Variants in TRAPPC8 observed in about 807,000 individuals in gnomAD.
TRAPPC8 encodes the protein general sporulation gene 1 homolog.
TRAPPC8 carries 54 observed loss-of-function variants against 174.3 expected under a neutral mutation model. The observed-to-expected ratio is 0.31, with a 90% CI of 0.25 to 0.39. The LOEUF is 0.39. Among genes scored for constraint, TRAPPC8 ranks in the 10% least tolerant of loss-of-function variants. TRAPPC8 has a pLI of 1.00. For missense variants in TRAPPC8, 1,531 were observed against 1,699.1 expected, an observed-to-expected ratio of 0.90 and a Z score of 1.74; for synonymous variants, 630 against 579.9, an observed-to-expected ratio of 1.09 and a Z score of -1.24.
At chr18:31,858,569 T>C (rs2034156844) in intron 19 of TRAPPC8, among the ~76,000 whole-genome samples, 1 of 152,206 alleles carries the variant, frequency 6.6e-6, no homozygotes, top group Non-Finnish European at 1.5e-5. Flanking sequence ...AGTGTGATAT[T>C]AATACAGTTC....
In TRAPPC8 at chr18:31,934,383, G is replaced by A. The variant is rs1459342242; in HGVS notation, c.158-2860C>T. Among the ~76,000 whole-genome samples the A allele has an allele frequency of 3.3e-5, 5 of 151,960 alleles. No individual in the cohort carries two copies. The East Asian group carries it at 9.6e-4, about 29-fold the overall frequency. On this transcript the variant is annotated intron_variant, in intron 1 of 28. Transcript: ENST00000283351. ...ATTTGTTAGTTCTGGGTAGTGGGGA[G>A]GTGGATGTTTCTTGTATTATCTGCA... is the stretch of plus-strand genomic sequence containing the variant.
In TRAPPC8 at chr18:31,857,882, T is replaced by C; in HGVS notation, c.2846A>G (p.Lys949Arg). 1 of 1,614,212 alleles carries C rather than the reference T, an allele frequency of 6.2e-7. No homozygotes were observed. The highest frequency in any genetic ancestry group is 8.5e-7 in the Non-Finnish European group (1 of 1,180,028). Residue 949 changes from lysine to arginine, a missense_variant, in exon 20 of 29, where the codon AAG (lysine) becomes AGG (arginine). Lys to Arg is a conservative substitution (Grantham distance 26, BLOSUM62 2). Coordinates refer to ENST00000283351, the MANE Select transcript of TRAPPC8 (RefSeq NM_014939.5). ...NVSKCPLTGL[K>R]VVSKRPEFFT... Reference sequence around the variant, plus strand: ...GAACTCTGGACGTTTAGAAACAACCTTCAATCCAGTAAGTGGACATTTGCT... The same window carrying C: ...GAACTCTGGACGTTTAGAAACAACCCTCAATCCAGTAAGTGGACATTTGCT...
chr18:31,857,903 T>C lies in TRAPPC8; in HGVS notation c.2825A>G (p.Lys942Arg), dbSNP rs1055052071. Residue 942 changes from lysine to arginine, a missense_variant, in exon 20 of 29, where the codon AAA becomes AGA. By Grantham distance (26) the Lys-to-Arg change is conservative. Transcript: ENST00000283351. ...AACCTTCAATCCAGTAAGTGGACATTTGCTGACATTGACAAATTCTACATA... is the reference window on the plus strand; with the variant it reads ...AACCTTCAATCCAGTAAGTGGACATCTGCTGACATTGACAAATTCTACATA... ...KAYVEFVNVS[K>R]CPLTGLKVVS... 5.3e-5 allele frequency: 85 copies of C among 1,614,068 alleles called. No homozygotes were observed. Among genetic ancestry groups the C allele is most frequent in the Non-Finnish European group, 6.7e-5 (79 of 1,180,034 alleles).
chr18:31,915,143 A>C (rs2037076050), intron 4 of TRAPPC8, among the ~76,000 whole-genome samples: 2 of 152,236 alleles, frequency 1.3e-5, no homozygotes, highest in Non-Finnish European at 2.9e-5. Flanking sequence ...TAACAATTAT[A>C]CATTAAAAAG....
At chr18:31,838,079 C>T (rs117674126) in intron 27 of TRAPPC8, among the ~76,000 whole-genome samples, 9,009 of 152,138 alleles carry the variant, frequency 0.059, 284 homozygotes, top group Middle Eastern at 0.11. Flanking sequence ...AAGCGATCCT[C>T]CTGCCTCAGC....
chr18:31,849,527 TATAA>T, intron 25 of TRAPPC8, 35 bp downstream of exon 25: 1 of 1,531,750 alleles, frequency 6.5e-7, no homozygotes, highest in Non-Finnish European at 8.8e-7. Flanking sequence ...CTCGAGTATC[TATAA>T]GTGAGGCTTG....
rs555816032 is a variant in TRAPPC8, at chr18:31,891,821, T to C, written c.1597-955A>G. Among the ~76,000 whole-genome samples the C allele has an allele frequency of 8.5e-5, 13 of 152,338 alleles. No homozygotes were observed. The East Asian group carries it at 9.6e-4, about 11-fold the overall frequency. The stretch of plus-strand genomic sequence containing the variant: ...TTACATCAAAAGTGTTCACAGACCA[T>C]TGATTAGCATAAACTGTCTCTGCGT... On this transcript the variant is annotated intron_variant, in intron 11 of 28. Coordinates refer to ENST00000283351, the MANE Select transcript of TRAPPC8 (RefSeq NM_014939.5).
rs189740556 is a variant in TRAPPC8 at position 31,850,773 on chromosome 18, G to T, written c.3562-1034C>A. Among the ~76,000 whole-genome samples the T allele has an allele frequency of 5.3e-5, 8 of 152,158 alleles. No homozygotes were observed. The East Asian group carries it at 1.5e-3, about 29-fold the overall frequency. On this transcript the variant is annotated intron_variant, in intron 24 of 28. Transcript: ENST00000283351. ...TGGCAAGTTCTATTTATTCAACCAG[G>T]TTCATCAAAATGAAAAATGTGTTTC... is the stretch of plus-strand genomic sequence containing the variant.
rs539727635 is a variant in TRAPPC8, at chr18:31,878,129, A to G, written c.1729-3425T>C. Among the ~76,000 whole-genome samples, 5 of 152,220 alleles carry G rather than the reference A, an allele frequency of 3.3e-5. No homozygotes were observed. The South Asian group carries it at 1.0e-3, about 32-fold the overall frequency. On this transcript the variant is annotated intron_variant, in intron 12 of 28. Coordinates refer to ENST00000283351, the MANE Select transcript of TRAPPC8 (RefSeq NM_014939.5). ...TTTGGTGGAAGTGTACTCTGGTCAG[A>G]GCCTAATGGACAAAGTCTACATGAA...
intron 16 of TRAPPC8, among the ~76,000 whole-genome samples, chr18:31,868,251 G>T (rs1298697573): frequency 1.3e-5 from 2 of 152,062 alleles, no homozygotes; most frequent in Non-Finnish European, 2.9e-5. Context: ...ACATTATTTA[G>T]CACAAGAAAC....
intron 27 of TRAPPC8, among the ~76,000 whole-genome samples, chr18:31,836,906 T>G (rs914144266): frequency 6.6e-6 from 1 of 151,750 alleles, no homozygotes; most frequent in Admixed American, 6.6e-5. Flanking sequence ...GGACTACAGG[T>G]GCCCGCCACC....
In TRAPPC8 at chr18:31,864,702, T is replaced by C. The variant is rs200861087; in HGVS notation, c.2670A>G (p.Glu890=). 3.8e-5 allele frequency: 62 copies of C among 1,613,270 alleles called. 1 individual carries two copies. The highest frequency in any genetic ancestry group is 5.2e-5 in the Non-Finnish European group (61 of 1,179,538). Residue 890 remains glutamate, a synonymous_variant, in exon 19 of 29, where the codon GAA becomes GAG. Coordinates refer to ENST00000283351, the MANE Select transcript of TRAPPC8 (RefSeq NM_014939.5). The stretch of plus-strand genomic sequence containing the variant: ...GGCCATATTTAACAGATGTTTTCTC[T>C]TCTTTTGTGTTGTTAAGTCGAGGAC... ...IQGPRLNNTK[E]EKTSVKYGPD...
chr18:31,852,887 ATATG>A, intron 22 of TRAPPC8: 1 of 468,598 alleles, frequency 2.1e-6, no homozygotes, highest in South Asian at 2.6e-5. Flanking sequence ...GTATATATAT[ATATG>A]TATTCATATA....
At position 31,912,379 on chromosome 18, in the gene TRAPPC8, T is replaced by G. The variant is rs532335043; in HGVS notation, c.771+990A>C. On this transcript the variant is annotated intron_variant, in intron 5 of 28. Transcript: ENST00000283351. The stretch of plus-strand genomic sequence containing the variant: ...GGTGGTGTGCGCCTGTAGTCCCACC[T>G]ACTTGGGAGGCTGAGAGAGGAGAAC... 2.6e-5 allele frequency among the ~76,000 whole-genome samples: 4 copies of G among 152,192 alleles called. No homozygotes were observed. In the East Asian group the frequency reaches 7.7e-4, roughly 29 times the overall value.
intron 11 of TRAPPC8, chr18:31,896,210 G>A (rs906964639): frequency 5.3e-5 from 8 of 151,934 alleles, no homozygotes; most frequent in African/African-American, 1.9e-4. Context: ...TAGTAAATTA[G>A]GCAAAGCAAA....
intron 19 of TRAPPC8, among the ~76,000 whole-genome samples, chr18:31,861,389 T>C (rs780047494): frequency 6.6e-6 from 1 of 152,022 alleles, no homozygotes; most frequent in Non-Finnish European, 1.5e-5. Flanking sequence ...AAAAACCAGA[T>C]GAATGTAAAT....
intron 2 of TRAPPC8, among the ~76,000 whole-genome samples, chr18:31,927,274 A>AT (rs35921065): frequency 1.0e-3 from 150 of 146,274 alleles, no homozygotes; most frequent in Middle Eastern, 3.5e-3. Flanking sequence ...CACCCAACTA[A>AT]TTTTTTTTTT....
At chr18:31,878,790 C>T (rs1026301487) in intron 12 of TRAPPC8, among the ~76,000 whole-genome samples, 4 of 151,682 alleles carry the variant, frequency 2.6e-5, no homozygotes, top group Admixed American at 2.6e-4. Flanking sequence ...AGATCAATCA[C>T]GCAAATGGAA....
At chr18:31,906,697 A>G (rs2036675599) in intron 9 of TRAPPC8, among the ~76,000 whole-genome samples, 1 of 152,210 alleles carries the variant, frequency 6.6e-6, no homozygotes, top group Non-Finnish European at 1.5e-5. Flanking sequence ...GTTTTAGGCA[A>G]CAAGTATAGC....
Sources: allele counts gnomAD v4.1 joint callset (sites outside exome capture counted in the v4.1 genomes callset), GRCh38; gene constraint gnomAD v4.1.1; transcripts MANE v1.5; gene names NCBI Gene and HGNC (gene_info 2026-07-23, HGNC 2026-07-21).